Variants in ZNF274 observed in about 807,000 individuals in gnomAD.
ZNF274 encodes the protein zinc finger protein 274.
A neutral mutation model predicts 42.5 loss-of-function variants in ZNF274; 23 were observed. That is an observed-to-expected ratio of 0.54 (90% CI 0.39 to 0.77). The LOEUF (loss-of-function observed/expected upper bound fraction) is 0.77. ZNF274 is among the 30% of genes least tolerant of loss of function. ZNF274 has a pLI of 0.00. For missense variants in ZNF274, 679 were observed against 806.5 expected (o/e 0.84, Z 1.91); for synonymous variants, 292 against 305.4 (o/e 0.96, Z 0.46).
chr19:58,183,931 A>T lies in ZNF274; in HGVS notation c.-35A>T. ...CTTCGGTTTCCTCAGGACTCTGCCCACTTCCACCAGAGACACATTGAGAAG... is the reference window on the plus strand; with the variant it reads ...CTTCGGTTTCCTCAGGACTCTGCCCTCTTCCACCAGAGACACATTGAGAAG... On this transcript the variant is annotated 5_prime_UTR_variant, in exon 2 of 8. Coordinates refer to ENST00000617501, the MANE Select transcript of ZNF274 (RefSeq NM_133502.3). The T allele has an allele frequency of 1.3e-6, 2 of 1,582,494 alleles. No homozygotes were observed. Among genetic ancestry groups the T allele is most frequent in the Non-Finnish European group, 1.7e-6 (2 of 1,164,008 alleles).
intron 4 of ZNF274, 79 bp downstream of exon 4, chr19:58,187,121 A>G (rs1023932635): frequency 8.0e-7 from 1 of 1,250,246 alleles, no homozygotes; most frequent in South Asian, 1.3e-5. Flanking sequence ...GAAAAGCAGT[A>G]GACATTGGGA....
chr19:58,192,307 G>A (rs1249887608), intron 4 of ZNF274, among the ~76,000 whole-genome samples: 1 of 152,196 alleles, frequency 6.6e-6, no homozygotes, highest in Non-Finnish European at 1.5e-5. Flanking sequence ...ACAGATTGGA[G>A]GCAGGCAGGG....
At chr19:58,203,885 G>T (rs946973589) in intron 4 of ZNF274, among the ~76,000 whole-genome samples, 1 of 152,190 alleles carries the variant, frequency 6.6e-6, no homozygotes, top group South Asian at 2.1e-4. Context: ...AATTTAAAGC[G>T]TGGCTCAGGT....
At chr19:58,188,683 T>TA (rs2075736525) in intron 4 of ZNF274, among the ~76,000 whole-genome samples, 1 of 61,000 alleles carries the variant, frequency 1.6e-5, no homozygotes, top group South Asian at 6.5e-4. Flanking sequence ...TGTGTATATA[T>TA]ATATGTATAT....
Position 58,185,653 on chromosome 19 carries a change from GTCTT to G in ZNF274, c.34-53_34-50del, listed in dbSNP as rs1011669376. 5.0e-5 allele frequency: 69 copies of G among 1,381,018 alleles called. 1 individual carries two copies. In the Admixed American group the frequency reaches 1.7e-3, roughly 34 times the overall value. 85.5% of individuals were successfully genotyped at this position (1,381,018 alleles called of 1,614,324 possible). A position where few individuals can be genotyped will look rare whatever the true frequency, so the allele number is the denominator to read the frequency against. The stretch of plus-strand genomic sequence containing the variant: ...TTCACTGGCCTGGTCAGCCTCCCCT[GTCTT>G]TCTTTTGTCGTGGATGCGGATGGCC... On this transcript the variant is annotated intron_variant, in intron 2 of 7. Coordinates refer to ENST00000617501, the MANE Select transcript of ZNF274 (RefSeq NM_133502.3).
At chr19:58,195,496 G>A (rs954264069) in intron 4 of ZNF274, among the ~76,000 whole-genome samples, 9 of 151,802 alleles carry the variant, frequency 5.9e-5, no homozygotes, top group Non-Finnish European at 7.4e-5. Flanking sequence ...AGTGTGAGAC[G>A]GGGAACTGTC....
Position 58,211,452 on chromosome 19 carries a change from C to G in ZNF274, c.853-108C>G. 7.0e-7 allele frequency: 1 copy of G among 1,420,696 alleles called. No homozygotes were observed. Among genetic ancestry groups the G allele is most frequent in the Non-Finnish European group, 9.5e-7 (1 of 1,054,198 alleles). 88.0% of individuals were successfully genotyped at this position (1,420,696 alleles called of 1,614,324 possible). ...GAGCAAATCCCCAAAGCAGGAGAGT[C>G]CCTAGCACCGTGAGCTCTGTCAGAA... On this transcript the variant is annotated intron_variant, in intron 6 of 7. Coordinates refer to ENST00000617501, the MANE Select transcript of ZNF274 (RefSeq NM_133502.3). The surrounding 1 kb of genome is among the most constrained non-coding windows in gnomAD (Gnocchi z 4.8).
In ZNF274 at chr19:58,211,401, C is replaced by G. The variant is rs2076038149; in HGVS notation, c.853-159C>G. 1.1e-6 allele frequency: 1 copy of G among 912,074 alleles called. No individual in the cohort carries two copies. The highest frequency in any genetic ancestry group is 2.6e-5 in the Admixed American group (1 of 37,908). 56.5% of individuals were successfully genotyped at this position (912,074 alleles called of 1,614,324 possible). On this transcript the variant is annotated intron_variant, in intron 6 of 7. Transcript: ENST00000617501. This position sits in a 1 kb window ranked among gnomAD's most constrained non-coding sequence, Gnocchi z 4.8. ...ACCCTGGTTTGGACCCAGTAGAACT[C>G]TTGTGGGCCCTGGGTTGGTGTCTCT...
chr19:58,211,994 C>A lies in ZNF274; in HGVS notation c.980-167C>A, dbSNP rs1323480044. Among the ~76,000 whole-genome samples, 1 of 152,136 alleles carries A rather than the reference C, an allele frequency of 6.6e-6. No individual in the cohort carries two copies. The highest frequency in any genetic ancestry group is 1.5e-5 in the Non-Finnish European group (1 of 68,026). On this transcript the variant is annotated intron_variant, in intron 7 of 7. Transcript: ENST00000617501. The surrounding 1 kb of genome is among the most constrained non-coding windows in gnomAD (Gnocchi z 4.8). ...TCCCTTGTTCACCAAGGTCAGTGCT[C>A]CCCTCCCTGCCGCTTCATTGCTTTT...
At chr19:58,188,694 G>GTATATGTATATGTGTA (rs1221412961) in intron 4 of ZNF274, among the ~76,000 whole-genome samples, 3 of 74,656 alleles carry the variant, frequency 4.0e-5, no homozygotes, top group African/African-American at 1.6e-4. Flanking sequence ...ATATGTATAT[G>GTATATGTATATGTGTA]TATATATATA....
At chr19:58,184,098 A>G (rs2075666168) in intron 2 of ZNF274, 100 bp downstream of exon 2, 5 of 1,351,420 alleles carry the variant, frequency 3.7e-6, no homozygotes, top group Non-Finnish European at 5.1e-6. Flanking sequence ...CCCATCCTCC[A>G]GAGCACCTCG....
chr19:58,192,200 C>T (rs955599675), intron 4 of ZNF274, among the ~76,000 whole-genome samples: 10 of 152,112 alleles, frequency 6.6e-5, no homozygotes, highest in South Asian at 2.1e-4. Context: ...AGGGCCACTT[C>T]GAGCCTAGTG....
intron 4 of ZNF274, among the ~76,000 whole-genome samples, chr19:58,189,438 G>T (rs889483032): frequency 1.3e-5 from 2 of 152,014 alleles, no homozygotes; most frequent in Non-Finnish European, 2.9e-5. Flanking sequence ...AGTTTATCTG[G>T]AATTTCGTTT....
intron 4 of ZNF274, among the ~76,000 whole-genome samples, chr19:58,202,717 A>T (rs927792570): frequency 1.3e-5 from 2 of 152,168 alleles, no homozygotes; most frequent in Non-Finnish European, 2.9e-5. Flanking sequence ...CATGAAGTGG[A>T]GCAGCTAATT....
intron 4 of ZNF274, among the ~76,000 whole-genome samples, chr19:58,198,510 G>A (rs2075870425): frequency 6.6e-6 from 1 of 152,156 alleles, no homozygotes; most frequent in Admixed American, 6.5e-5. Flanking sequence ...AAAATACATA[G>A]TCAAGTGCGA....
chr19:58,185,914 T>C (rs2075692343), intron 3 of ZNF274, 76 bp downstream of exon 3: 3 of 1,292,948 alleles, frequency 2.3e-6, no homozygotes, highest in African/African-American at 1.5e-5. Context: ...ATGTGTCTGC[T>C]TGGGCTCACA....
intron 4 of ZNF274, among the ~76,000 whole-genome samples, chr19:58,200,994 CTGT>C (rs542075483): frequency 4.8e-4 from 72 of 151,288 alleles, no homozygotes; most frequent in African/African-American, 1.6e-3. Context: ...GTGCCGCATA[CTGT>C]TGTTTGTTTG....
At chr19:58,205,734 T>G (rs2075972512) in intron 4 of ZNF274, among the ~76,000 whole-genome samples, 1 of 152,140 alleles carries the variant, frequency 6.6e-6, no homozygotes, top group Non-Finnish European at 1.5e-5. Context: ...AGTCCTGGAG[T>G]TCAGTTTAGC....
In ZNF274 at chr19:58,212,360, C is replaced by T. The variant is rs373235645; in HGVS notation, c.1179C>T (p.Asp393=). 2.1e-5 allele frequency: 34 copies of T among 1,613,824 alleles called. 1 individual carries two copies. The South Asian group carries it at 3.5e-4, about 17-fold the overall frequency. Residue 393 remains aspartate (D), a synonymous_variant, in exon 8 of 8, where the codon GAC becomes GAT. Coordinates refer to ENST00000617501, the MANE Select transcript of ZNF274 (RefSeq NM_133502.3). The surrounding 1 kb of genome is among the most constrained non-coding windows in gnomAD (Gnocchi z 4.6). ...AGATGGAGTCTGCTCAGGAAAAAGA[C>T]CTTCCTCAGAAGAAGCACTTTGACA... is the stretch of plus-strand genomic sequence containing the variant. ...LKQMESAQEK[D]LPQKKHFDNR... is the part of the protein sequence containing the mutation.
Sources: allele counts gnomAD v4.1 joint callset (sites outside exome capture counted in the v4.1 genomes callset), GRCh38; gene constraint gnomAD v4.1.1; non-coding constraint Gnocchi (gnomAD v3.1); transcripts MANE v1.5; gene names NCBI Gene and HGNC (gene_info 2026-07-23, HGNC 2026-07-21).